Variants in C14orf93 observed in about 807,000 individuals in gnomAD.
C14orf93 encodes chromosome 14 open reading frame 93.
A neutral mutation model predicts 44.0 loss-of-function variants in C14orf93; 23 were observed. The ratio of observed to expected loss-of-function variants is 0.52; its 90% CI spans 0.38 to 0.74. The LOEUF (loss-of-function observed/expected upper bound fraction) is 0.74, where lower values mean the gene tolerates loss of function less well. Among genes scored for constraint, C14orf93 ranks in the 30% least tolerant of loss-of-function variants. C14orf93 has a pLI of 0.00. For missense variants in C14orf93, 579 were observed against 678.9 expected, an observed-to-expected ratio of 0.85 and a Z score of 1.64; for synonymous variants, 253 against 265.7, an observed-to-expected ratio of 0.95 and a Z score of 0.46.
intron 4 of C14orf93, 55 bp downstream of exon 4, chr14:22,990,011 C>T: frequency 2.6e-6 from 4 of 1,529,668 alleles, no homozygotes; most frequent in Non-Finnish European, 3.6e-6. Context: ...TCCCCCTCTA[C>T]TTCCCTGTCC....
chr14:22,999,156 T>C lies in C14orf93; in HGVS notation c.-133A>G. ...GGAGCCCAGGCCCCAAGCTGTAGGGTCTGTGAAAGAAGAGTAAACAAGCCA... is the reference window on the plus strand; with the variant it reads ...GGAGCCCAGGCCCCAAGCTGTAGGGCCTGTGAAAGAAGAGTAAACAAGCCA... On this transcript the variant is annotated 5_prime_UTR_variant, in exon 2 of 7. Coordinates refer to ENST00000299088, the MANE Select transcript of C14orf93 (RefSeq NM_021944.4). 1 of 1,390,484 alleles carries C rather than the reference T, an allele frequency of 7.2e-7. No homozygotes were observed. Among genetic ancestry groups the C allele is most frequent in the East Asian group, 2.4e-5 (1 of 41,750 alleles). The allele number at this position is 1,390,484 out of a possible 1,614,324, so 86.1% of individuals were successfully genotyped here.
chr14:22,998,373 G>A, intron 2 of C14orf93, 54 bp downstream of exon 2: 1 of 1,446,228 alleles, frequency 6.9e-7, no homozygotes, highest in South Asian at 1.5e-5. Context: ...AGGAAAAAGA[G>A]TGAAAAGCCA....
intron 1 of C14orf93, chr14:23,007,263 A>C (rs1352585662): frequency 6.6e-6 from 1 of 152,252 alleles, no homozygotes; most frequent in African/African-American, 2.4e-5. Context: ...TGCAAACAAC[A>C]GTCACTCAAA....
At chr14:22,993,843 G>C (rs1650346182) in intron 3 of C14orf93, 1 of 152,286 alleles carries the variant, frequency 6.6e-6, no homozygotes, top group African/African-American at 2.4e-5. Context: ...AGCCTCAGCA[G>C]ATTGGAGAGA....
Position 23,003,873 on chromosome 14 carries a change from TATATATATATATATA to T in C14orf93, c.-379-4486_-379-4472del, listed in dbSNP as rs2046440946. ...TAATATATTCATATATATATATATATATATATATATATATATATATATATATTTTTTTTTTTTTTT... is the reference window on the plus strand; with the variant it reads ...TAATATATTCATATATATATATATATTATATATATATTTTTTTTTTTTTTT... On this transcript the variant is annotated intron_variant, in intron 1 of 6. Coordinates refer to ENST00000299088, the MANE Select transcript of C14orf93 (RefSeq NM_021944.4). 4.3e-4 allele frequency among the ~76,000 whole-genome samples: 6 copies of T among 14,050 alleles called. 1 individual carries two copies. The highest frequency in any genetic ancestry group is 6.5e-4 in the Non-Finnish European group (5 of 7,638). 9.2% of individuals were successfully genotyped at this position (14,050 alleles called of 152,430 possible).
chr14:22,998,920 G>A lies in C14orf93; in HGVS notation c.104C>T (p.Ser35Phe), dbSNP rs761798223. The change falls in exon 2 of 7, where the codon TCC becomes TTC. Residue 35 changes from serine (S) to phenylalanine (F), a missense_variant. Ser to Phe is a radical substitution (Grantham distance 155, BLOSUM62 -2). Transcript: ENST00000299088. ...KSETNGGNTG[S>F]QGGNPPPSTP... Reference sequence around the variant, plus strand: ...GCTGGGAGGAGGATTCCCACCCTGGGAGCCTGTGTTGCCTCCATTAGTCTC... The same window carrying A: ...GCTGGGAGGAGGATTCCCACCCTGGAAGCCTGTGTTGCCTCCATTAGTCTC... The A allele has an allele frequency of 6.2e-7, 1 of 1,614,124 alleles. No individual in the cohort carries two copies. Among genetic ancestry groups the A allele is most frequent in the Admixed American group, 1.7e-5 (1 of 60,016 alleles).
chr14:22,988,061 T>A, intron 5 of C14orf93, 46 bp from the exon 6 acceptor site: 2 of 1,372,202 alleles, frequency 1.5e-6, no homozygotes, highest in Non-Finnish European at 1.0e-6. Context: ...GTCCTCTGAG[T>A]AGTGGTCCCC....
chr14:23,003,972 C>T (rs1416267188), intron 1 of C14orf93, among the ~76,000 whole-genome samples: 3 of 115,714 alleles, frequency 2.6e-5, no homozygotes, highest in Non-Finnish European at 5.0e-5. Flanking sequence ...TGTGGAGGCA[C>T]GATCTTGGCT....
chr14:22,998,879 T>A lies in C14orf93; in HGVS notation c.145A>T (p.Thr49Ser), dbSNP rs1189936783. ...CTCTGAACAGCCAAGCCATGTCCAG[T>A]CACTGTGATGGGGGTGCTGGGAGGA... ...NPPPSTPITVTGHGLAVQSSE... is the reference protein window; with the variant it reads ...NPPPSTPITVSGHGLAVQSSE... The change falls in exon 2 of 7, where the codon ACT becomes TCT. Residue 49 changes from threonine (T) to serine (S), a missense_variant. By Grantham distance (58) the Thr-to-Ser change is moderately conservative. Coordinates refer to ENST00000299088, the MANE Select transcript of C14orf93 (RefSeq NM_021944.4). The A allele has an allele frequency of 1.9e-6, 3 of 1,613,556 alleles. No homozygotes were observed. In the Admixed American group the frequency reaches 5.0e-5, roughly 27 times the overall value.
Position 22,998,643 on chromosome 14 carries a change from G to A in C14orf93, c.381C>T (p.Leu127=), listed in dbSNP as rs370832235. 6.2e-7 allele frequency: 1 copy of A among 1,613,888 alleles called. No homozygotes were observed. The highest frequency in any genetic ancestry group is 8.5e-7 in the Non-Finnish European group (1 of 1,179,754). Residue 127 remains leucine (L), a synonymous_variant, in exon 2 of 7, where the codon CTC becomes CTT. Coordinates refer to ENST00000299088, the MANE Select transcript of C14orf93 (RefSeq NM_021944.4). ...TAAAGGCTTCCCCGGGACTTTCCTT[G>A]AGAGGCCCAGGCTCCTCAGGTGGGG... is the stretch of plus-strand genomic sequence containing the variant. ...HSSPPEEPGP[L]KESPGEAFKA...
intron 1 of C14orf93, among the ~76,000 whole-genome samples, chr14:23,004,548 A>G (rs1305108953): frequency 1.3e-5 from 2 of 152,212 alleles, no homozygotes; most frequent in African/African-American, 4.8e-5. Context: ...CAAAGTCTCT[A>G]CCTATAAGGC....
intron 1 of C14orf93, among the ~76,000 whole-genome samples, chr14:23,007,806 G>T (rs892739448): frequency 6.6e-6 from 1 of 152,048 alleles, no homozygotes; most frequent in Non-Finnish European, 1.5e-5. Context: ...AAGTATATGT[G>T]ATGACCTGTA....
intron 1 of C14orf93, among the ~76,000 whole-genome samples, chr14:23,004,336 G>C (rs772381561): frequency 6.6e-6 from 1 of 151,192 alleles, no homozygotes; most frequent in Admixed American, 6.6e-5. Flanking sequence ...TCAGCCTCCC[G>C]AAGAGCTGGG....
Position 22,996,329 on chromosome 14 carries a change from A to C in C14orf93, c.598-61T>G. 1 of 1,470,494 alleles carries C rather than the reference A, an allele frequency of 6.8e-7. No homozygotes were observed. Among genetic ancestry groups the C allele is most frequent in the South Asian group, 1.4e-5 (1 of 73,438 alleles). The allele number at this position is 1,470,494 out of a possible 1,614,324, so 91.1% of individuals were successfully genotyped here. On this transcript the variant is annotated intron_variant, in intron 2 of 6. Coordinates refer to ENST00000299088, the MANE Select transcript of C14orf93 (RefSeq NM_021944.4). The surrounding 1 kb of genome is among the most constrained non-coding windows in gnomAD (Gnocchi z 4.1). ...CAGGCTTAGGGGAACCTGGTTAACC[A>C]TCATTCTTTGGCTAAGAATAGTGAA... is the stretch of plus-strand genomic sequence containing the variant.
intron 3 of C14orf93, among the ~76,000 whole-genome samples, chr14:22,995,679 C>CAAAAAAA (rs58710730): frequency 8.9e-5 from 4 of 45,034 alleles, no homozygotes; most frequent in Admixed American, 4.7e-4. Flanking sequence ...GACTCTGACT[C>CAAAAAAA]AAAAAAAAAA....
chr14:22,997,539 T>C (rs2046060628), intron 2 of C14orf93, among the ~76,000 whole-genome samples: 1 of 152,186 alleles, frequency 6.6e-6, no homozygotes, highest in South Asian at 2.1e-4. Flanking sequence ...ATCTCTATAG[T>C]TGCTCCATCT....
intron 1 of C14orf93, among the ~76,000 whole-genome samples, chr14:23,003,869 TATATATATATATATATATATATATA>T (rs2046438127): frequency 2.4e-4 from 3 of 12,400 alleles, no homozygotes; most frequent in Non-Finnish European, 4.2e-4. Context: ...TATATATATA[TATATATATATATATATATATATATA>T]TATATTTTTT....
intron 3 of C14orf93, among the ~76,000 whole-genome samples, chr14:22,993,636 C>G (rs1397363271): frequency 2.6e-5 from 4 of 152,156 alleles, no homozygotes; most frequent in African/African-American, 9.7e-5. Context: ...TGATAAAAAT[C>G]AAAACAGGCT....
At chr14:22,995,878 C>T in intron 3 of C14orf93, 70 bp downstream of exon 3, 1 of 1,430,990 alleles carries the variant, frequency 7.0e-7, no homozygotes, top group Non-Finnish European at 9.4e-7. Context: ...GGCCTAAAAT[C>T]AACCCACCCA....
Sources: gnomAD v4.1 joint callset for allele counts (sites outside exome capture counted in the v4.1 genomes callset) on GRCh38, gnomAD v4.1.1 for gene constraint, Gnocchi (gnomAD v3.1) non-coding constraint, MANE v1.5 for transcripts, NCBI Gene and HGNC (gene_info 2026-07-23, HGNC 2026-07-21) for gene names.